The following STAM2 variants were observed in gnomAD, a reference collection of about 807,000 sequenced individuals.
The protein encoded by STAM2 is signal transducing adaptor molecule 2.
Under a neutral mutation model 65.6 loss-of-function variants are expected in STAM2, and 51 were observed. That is an observed-to-expected ratio of 0.78 (90% CI 0.62 to 0.98). STAM2 has a LOEUF of 0.98. Ranked by LOEUF, STAM2 falls within the 50% of genes least tolerant of loss-of-function variation. The pLI, the probability that STAM2 is intolerant of heterozygous loss-of-function variation, is 0.00. For missense variants in STAM2, 584 were observed against 617.8 expected (o/e 0.95, Z 0.58); for synonymous variants, 198 against 208.4 (o/e 0.95, Z 0.43).
intron 1 of STAM2, among the ~76,000 whole-genome samples, chr2:152,168,171 T>G (rs13386095): frequency 0.051 from 7,722 of 152,142 alleles, 564 homozygotes; most frequent in African/African-American, 0.16. Context: ...CTATTTTTTT[T>G]TTCTTTTGAG....
chr2:152,143,994 T>G lies in STAM2; in HGVS notation c.537A>C (p.Gln179His), dbSNP rs779279290. ...DIAKAIELSL[Q>H]EQKQQHTETK... ...TTTCTGTGTGTTGCTGTTTCTGTTC[T>G]TGCAGCGATAATTCAATAGCTAGTT... The change falls in exon 7 of 14, where the codon CAA becomes CAC. Residue 179 changes from glutamine (Q) to histidine (H), a missense_variant. Coordinates refer to ENST00000263904, the MANE Select transcript of STAM2 (RefSeq NM_005843.6). 1 of 1,609,632 alleles carries G rather than the reference T, an allele frequency of 6.2e-7. No individual in the cohort carries two copies. Among genetic ancestry groups the G allele is most frequent in the Admixed American group, 1.7e-5 (1 of 58,744 alleles).
Position 152,143,967 on chromosome 2 carries a change from T to C in STAM2, c.564A>G (p.Thr188=), listed in dbSNP as rs1479870446. 2 of 1,613,446 alleles carry C rather than the reference T, an allele frequency of 1.2e-6. No individual in the cohort carries two copies. Among genetic ancestry groups the C allele is most frequent in the African/African-American group, 2.7e-5 (2 of 74,918 alleles). The change falls in exon 7 of 14, where the codon ACA becomes ACG. Residue 188 remains threonine (T), a synonymous_variant. Coordinates refer to ENST00000263904, the MANE Select transcript of STAM2 (RefSeq NM_005843.6). ...LQEQKQQHTE[T]KSLYPSSEIQ... is the part of the protein sequence containing the mutation. ...TTTCTGAAGATGGATATAAGGATTT[T>C]GTTTCTGTGTGTTGCTGTTTCTGTT...
intron 7 of STAM2, among the ~76,000 whole-genome samples, chr2:152,143,091 G>A (rs2105544627): frequency 1.3e-5 from 2 of 152,246 alleles, no homozygotes; most frequent in Middle Eastern, 6.8e-3. Flanking sequence ...AGACAGAACT[G>A]TGTCCTCATT....
chr2:152,174,858 A>G (rs1343112376), intron 1 of STAM2, among the ~76,000 whole-genome samples: 1 of 152,154 alleles, frequency 6.6e-6, no homozygotes, highest in African/African-American at 2.4e-5. Context: ...GTGTTACTCA[A>G]ATTTCCTAAA....
At position 152,118,538 on chromosome 2, in the gene STAM2, T is replaced by C. The variant is rs1307429196; in HGVS notation, c.*2036A>G. 4.0e-5 allele frequency: 6 copies of C among 151,158 alleles called. No individual in the cohort carries two copies. Among genetic ancestry groups the C allele is most frequent in the Admixed American group, 6.6e-5 (1 of 15,126 alleles). The allele number at this position is 151,158 out of a possible 1,614,324, so 9.4% of individuals were successfully genotyped here. ...ATTTAGTGGGTGTGCAGTAATTATA[T>C]TGGCTCAAAGACATGCTGAATTAAA... On this transcript the variant is annotated 3_prime_UTR_variant, in exon 14 of 14. Coordinates refer to ENST00000263904, the MANE Select transcript of STAM2 (RefSeq NM_005843.6).
At chr2:152,153,401 A>G (rs948634899) in intron 1 of STAM2, among the ~76,000 whole-genome samples, 3 of 152,102 alleles carry the variant, frequency 2.0e-5, no homozygotes, top group Non-Finnish European at 4.4e-5. Context: ...AGGAATAATC[A>G]AAAGAAGCCA....
Position 152,120,415 on chromosome 2 carries a change from ACC to A in STAM2, c.*157_*158del. 2.9e-5 allele frequency: 15 copies of A among 522,798 alleles called. No individual in the cohort carries two copies. The highest frequency in any genetic ancestry group is 6.4e-5 in the South Asian group (2 of 31,310). The allele number at this position is 522,798 out of a possible 1,614,324, so 32.4% of individuals were successfully genotyped here. ...GGACTGAAAAAAAAAAAAAAAAAAAACCTTTTATGGCCTTGTAGAATAAGAGA... is the reference window on the plus strand; with the variant it reads ...GGACTGAAAAAAAAAAAAAAAAAAAATTTTATGGCCTTGTAGAATAAGAGA... On this transcript the variant is annotated 3_prime_UTR_variant, in exon 14 of 14. Coordinates refer to ENST00000263904, the MANE Select transcript of STAM2 (RefSeq NM_005843.6).
intron 7 of STAM2, among the ~76,000 whole-genome samples, chr2:152,136,685 C>G (rs1689161321): frequency 6.6e-6 from 1 of 151,940 alleles, no homozygotes; most frequent in Admixed American, 6.6e-5. Flanking sequence ...TCAAATTTTG[C>G]TTATTCCTTT....
intron 1 of STAM2, among the ~76,000 whole-genome samples, chr2:152,173,378 A>ATATG (rs935412766): frequency 6.8e-6 from 1 of 147,376 alleles, no homozygotes; most frequent in African/African-American, 2.5e-5. Flanking sequence ...ATATACATAT[A>ATATG]TATATATATG....
chr2:152,151,891 C>A (rs1579326289), intron 1 of STAM2, among the ~76,000 whole-genome samples: 1 of 152,136 alleles, frequency 6.6e-6, no homozygotes, highest in Non-Finnish European at 1.5e-5. Context: ...TATAGATATA[C>A]CACATTTATT....
intron 8 of STAM2, among the ~76,000 whole-genome samples, chr2:152,133,908 T>C (rs527401633): frequency 6.6e-6 from 1 of 152,228 alleles, no homozygotes; most frequent in Non-Finnish European, 1.5e-5. Context: ...AATTTCATAG[T>C]TACATCTACG....
chr2:152,135,998 G>A (rs4664082), intron 7 of STAM2, among the ~76,000 whole-genome samples: 57,626 of 150,612 alleles, frequency 0.38, 11,958 homozygotes, highest in East Asian at 0.84. Flanking sequence ...GCTGAGGCAG[G>A]AGAATCGCTT....
At chr2:152,162,071 T>A (rs754978427) in intron 1 of STAM2, among the ~76,000 whole-genome samples, 5 of 152,118 alleles carry the variant, frequency 3.3e-5, no homozygotes, top group Non-Finnish European at 7.4e-5. Context: ...GATCCACTCA[T>A]CTTGGCCTCC....
At chr2:152,169,554 A>AC (rs1207472985) in intron 1 of STAM2, among the ~76,000 whole-genome samples, 1 of 152,178 alleles carries the variant, frequency 6.6e-6, no homozygotes, top group Admixed American at 6.5e-5. Context: ...GAGTCACTGC[A>AC]CCCTGCCATC....
chr2:152,156,168 A>G (rs951621172), intron 1 of STAM2, among the ~76,000 whole-genome samples: 1 of 152,230 alleles, frequency 6.6e-6, no homozygotes, highest in African/African-American at 2.4e-5. Flanking sequence ...AAAATATCTA[A>G]TTAGACTATT....
chr2:152,142,269 A>C (rs1689262548), intron 7 of STAM2, among the ~76,000 whole-genome samples: 2 of 152,372 alleles, frequency 1.3e-5, no homozygotes. Flanking sequence ...ATCTTAACTG[A>C]AAATTGTTTT....
At chr2:152,160,694 AG>A (rs1689653198) in intron 1 of STAM2, among the ~76,000 whole-genome samples, 1 of 128,124 alleles carries the variant, frequency 7.8e-6, no homozygotes. Context: ...TCCGGGAGGG[AG>A]GTGGGGGGGT....
intron 1 of STAM2, among the ~76,000 whole-genome samples, chr2:152,154,100 T>C (rs1411691940): frequency 1.3e-5 from 2 of 152,108 alleles, no homozygotes; most frequent in Non-Finnish European, 2.9e-5. Flanking sequence ...AATGAATTTG[T>C]TAATAGTGAA....
At chr2:152,144,817 G>A (rs748279019) in intron 6 of STAM2, 71 bp downstream of exon 6, 24 of 1,343,182 alleles carry the variant, frequency 1.8e-5, no homozygotes, top group Middle Eastern at 1.8e-4. Flanking sequence ...GATTACAGGC[G>A]TGAGCCACCG....
Sources: allele counts gnomAD v4.1 joint callset (sites outside exome capture counted in the v4.1 genomes callset), GRCh38; gene constraint gnomAD v4.1.1; transcripts MANE v1.5; gene names NCBI Gene and HGNC (gene_info 2026-07-23, HGNC 2026-07-21).